Variants in SCEL observed in about 807,000 individuals in gnomAD.
The protein encoded by SCEL is sciellin.
SCEL carries 113 observed loss-of-function variants against 117.6 expected under a neutral mutation model. That is an observed-to-expected ratio of 0.96 (90% CI 0.83 to 1.12). The LOEUF (loss-of-function observed/expected upper bound fraction) is 1.12. Among genes scored for constraint, SCEL ranks in the 50% most tolerant of loss-of-function variants. SCEL has a pLI of 0.00. For missense variants in SCEL, 785 were observed against 810.8 expected, an observed-to-expected ratio of 0.97 and a Z score of 0.39; for synonymous variants, 270 against 256.2, an observed-to-expected ratio of 1.05 and a Z score of -0.51.
At chr13:77,542,096 T>C (rs763468821) in intron 1 of SCEL, among the ~76,000 whole-genome samples, 20 of 152,344 alleles carry the variant, frequency 1.3e-4, no homozygotes, top group Admixed American at 2.6e-4. Flanking sequence ...CTTGCTGTTA[T>C]CATTCTGCAG....
At chr13:77,558,698 C>T (rs893978383) in intron 3 of SCEL, among the ~76,000 whole-genome samples, 6 of 151,842 alleles carry the variant, frequency 4.0e-5, no homozygotes, top group African/African-American at 9.7e-5. Flanking sequence ...CACCTATAAT[C>T]CCAGCTACTC....
Position 77,593,533 on chromosome 13 carries a change from A to T in SCEL, c.712A>T (p.Ile238Phe). Reference sequence around the variant, plus strand: ...TTGAAGGAGTCAGGATCTTGATAACATCGTCAAAGTGGCCACTTCACTTCA... The same window carrying T: ...TTGAAGGAGTCAGGATCTTGATAACTTCGTCAAAGTGGCCACTTCACTTCA... ...RNIRSQDLDNIVKVATSLQRS... is the reference protein window; with the variant it reads ...RNIRSQDLDNFVKVATSLQRS... Residue 238 changes from isoleucine (I) to phenylalanine (F), a missense_variant, in exon 12 of 33, where the codon ATC becomes TTC. Physicochemically the swap from Ile to Phe is conservative, Grantham distance 21. Coordinates refer to ENST00000349847, the MANE Select transcript of SCEL (RefSeq NM_144777.3). 1 of 1,613,092 alleles carries T rather than the reference A, an allele frequency of 6.2e-7. No individual in the cohort carries two copies. Among genetic ancestry groups the T allele is most frequent in the South Asian group, 1.1e-5 (1 of 91,032 alleles).
At chr13:77,633,342 A>C (rs1187891469) in intron 28 of SCEL, among the ~76,000 whole-genome samples, 1 of 148,134 alleles carries the variant, frequency 6.8e-6, no homozygotes. Flanking sequence ...AGGCTGAGGC[A>C]GGAGAATGGC....
At chr13:77,618,678 T>C (rs1373251970) in intron 27 of SCEL, among the ~76,000 whole-genome samples, 1 of 152,158 alleles carries the variant, frequency 6.6e-6, no homozygotes, top group African/African-American at 2.4e-5. Flanking sequence ...GGCTTCTTAT[T>C]TGCACTAAAA....
At chr13:77,626,870 GA>G (rs1179586755) in intron 27 of SCEL, among the ~76,000 whole-genome samples, 6 of 151,660 alleles carry the variant, frequency 4.0e-5, no homozygotes, top group African/African-American at 1.5e-4. Flanking sequence ...CAGAAGTAAG[GA>G]AAAAACTGGG....
intron 28 of SCEL, among the ~76,000 whole-genome samples, chr13:77,631,336 T>C (rs2090010819): frequency 6.6e-6 from 1 of 152,192 alleles, no homozygotes; most frequent in Non-Finnish European, 1.5e-5. Context: ...AATCTATCAC[T>C]ATCCCATGAA....
Position 77,644,564 on chromosome 13 carries a change from G to A in SCEL, c.*290G>A, listed in dbSNP as rs938255732. 4 of 264,954 alleles carry A rather than the reference G, an allele frequency of 1.5e-5. No homozygotes were observed. The highest frequency in any genetic ancestry group is 1.1e-4 in the South Asian group (1 of 9,244). 16.4% of individuals were successfully genotyped at this position (264,954 alleles called of 1,614,324 possible). A position where few individuals can be genotyped will look rare whatever the true frequency, so the allele number is the denominator to read the frequency against. ...CTCCAGCCAGGTCCATCCCTGCTCCGTATGTTGGCTGTGAGTGGTGGTTTC... is the reference window on the plus strand; with the variant it reads ...CTCCAGCCAGGTCCATCCCTGCTCCATATGTTGGCTGTGAGTGGTGGTTTC... On this transcript the variant is annotated 3_prime_UTR_variant, in exon 33 of 33. Transcript: ENST00000349847.
chr13:77,606,358 G>A (rs765220536), intron 19 of SCEL: 7 of 152,138 alleles, frequency 4.6e-5, no homozygotes, highest in Non-Finnish European at 1.0e-4. Flanking sequence ...TATGAACTAT[G>A]AGATTTAAAT....
intron 30 of SCEL, 26 bp downstream of exon 30, chr13:77,637,220 T>A: frequency 7.9e-7 from 1 of 1,260,126 alleles, no homozygotes; most frequent in East Asian, 2.7e-5. Context: ...TTTCCATACA[T>A]AAAAAGTACA....
intron 9 of SCEL, among the ~76,000 whole-genome samples, chr13:77,580,004 C>T (rs1423152593): frequency 2.0e-5 from 3 of 152,202 alleles, no homozygotes; most frequent in Admixed American, 1.3e-4. Flanking sequence ...AGCATGAAAT[C>T]CAGTAATTCC....
At chr13:77,563,549 T>C (rs1183028696) in intron 4 of SCEL, among the ~76,000 whole-genome samples, 1 of 152,240 alleles carries the variant, frequency 6.6e-6, no homozygotes, top group Non-Finnish European at 1.5e-5. Flanking sequence ...TGTTGTGTTG[T>C]ATGATTTACG....
chr13:77,542,171 G>C (rs964541584), intron 1 of SCEL, among the ~76,000 whole-genome samples: 5 of 152,188 alleles, frequency 3.3e-5, no homozygotes, highest in African/African-American at 1.2e-4. Flanking sequence ...ATCAGGCCGA[G>C]GCAGGCGGAT....
Position 77,556,657 on chromosome 13 carries a change from A to AAG in SCEL, c.107_108dup (p.Arg37GlufsTer11). 6.2e-7 allele frequency: 1 copy of AAG among 1,614,126 alleles called. No homozygotes were observed. The highest frequency in any genetic ancestry group is 8.5e-7 in the Non-Finnish European group (1 of 1,179,988). ...AGCAGGATTTTCACGAGGTGAACAA[A>AAG]AGAAGAACTTTCTTACAGGATAACA... On this transcript the variant is annotated frameshift_variant, in exon 3 of 33. Coordinates refer to ENST00000349847, the MANE Select transcript of SCEL (RefSeq NM_144777.3). LOFTEE classifies it high-confidence loss of function.
At chr13:77,553,971 AGCTGC>A (rs1177322771) in intron 1 of SCEL, among the ~76,000 whole-genome samples, 2 of 152,096 alleles carry the variant, frequency 1.3e-5, no homozygotes, top group East Asian at 3.9e-4. Flanking sequence ...TGCAGCAAAC[AGCTGC>A]GGGTCCCTGT....
At chr13:77,553,851 A>G (rs1025845674) in intron 1 of SCEL, among the ~76,000 whole-genome samples, 10 of 152,086 alleles carry the variant, frequency 6.6e-5, no homozygotes, top group Admixed American at 5.2e-4. Flanking sequence ...CATGATGCAA[A>G]TAAGAGACCT....
At chr13:77,622,007 A>T (rs1221047412) in intron 27 of SCEL, among the ~76,000 whole-genome samples, 1 of 152,220 alleles carries the variant, frequency 6.6e-6, no homozygotes, top group Admixed American at 6.5e-5. Flanking sequence ...AATTATAAAA[A>T]TATGTAAAAC....
At position 77,610,042 on chromosome 13, in the gene SCEL, T is replaced by C; in HGVS notation, c.1278-5T>C. ...ACCACTGATCTGATTTTCTATGTTT[T>C]TAAGGGGCCAAAGTCTCGACAGCCT... On this transcript the variant is annotated splice_region_variant and splice_polypyrimidine_tract_variant and intron_variant, in intron 21 of 32. Transcript: ENST00000349847. 1 of 1,605,270 alleles carries C rather than the reference T, an allele frequency of 6.2e-7. No individual in the cohort carries two copies. Among genetic ancestry groups the C allele is most frequent in the Non-Finnish European group, 8.5e-7 (1 of 1,174,796 alleles).
At chr13:77,590,997 T>G (rs981892995) in intron 10 of SCEL, among the ~76,000 whole-genome samples, 1 of 152,126 alleles carries the variant, frequency 6.6e-6, no homozygotes, top group African/African-American at 2.4e-5. Context: ...CAAATATATT[T>G]CTTGATAGTA....
At chr13:77,542,903 GGATTTTCCCT>G (rs1365722298) in intron 1 of SCEL, among the ~76,000 whole-genome samples, 1 of 151,890 alleles carries the variant, frequency 6.6e-6, no homozygotes, top group Non-Finnish European at 1.5e-5. Flanking sequence ...CAGTTCCTAG[GGATTTTCCCT>G]GTTTCATTGA....
Sources: allele counts gnomAD v4.1 joint callset (sites outside exome capture counted in the v4.1 genomes callset), GRCh38; gene constraint gnomAD v4.1.1; transcripts MANE v1.5; gene names NCBI Gene and HGNC (gene_info 2026-07-23, HGNC 2026-07-21).